Variants in SBF2 observed in about 807,000 individuals in gnomAD.
The protein encoded by SBF2 is SET binding factor 2.
In SBF2, 112 loss-of-function variants were observed where a neutral mutation model predicts 225.2. That is an observed-to-expected ratio of 0.50 (90% CI 0.43 to 0.58). The LOEUF is 0.58. Among genes scored for constraint, SBF2 ranks in the 20% least tolerant of loss-of-function variants. SBF2 has a pLI of 0.00. For missense variants in SBF2, 1,996 were observed against 2,206.2 expected (o/e 0.90, Z 1.91); for synonymous variants, 763 against 773.3 (o/e 0.99, Z 0.22).
chr11:9,805,796 G>A (rs1336004302), intron 32 of SBF2, among the ~76,000 whole-genome samples: 1 of 151,962 alleles, frequency 6.6e-6, no homozygotes, highest in Non-Finnish European at 1.5e-5. Flanking sequence ...CTGATTTTTT[G>A]TATTTTTAGT....
intron 22 of SBF2, among the ~76,000 whole-genome samples, chr11:9,849,432 G>C (rs1856771295): frequency 6.6e-6 from 1 of 152,182 alleles, no homozygotes; most frequent in Non-Finnish European, 1.5e-5. Flanking sequence ...AGATAATGTA[G>C]ATTACTTCTG....
chr11:9,888,875 T>A (rs1860562300), intron 17 of SBF2, among the ~76,000 whole-genome samples: 1 of 152,190 alleles, frequency 6.6e-6, no homozygotes, highest in Non-Finnish European at 1.5e-5. Flanking sequence ...TTCCTTCACC[T>A]TAAAATGGAA....
intron 2 of SBF2, among the ~76,000 whole-genome samples, chr11:10,181,996 C>G (rs1056824218): frequency 6.6e-6 from 1 of 152,232 alleles, no homozygotes; most frequent in Non-Finnish European, 1.5e-5. Flanking sequence ...CTAGAGGCCA[C>G]CAAATACTTC....
In SBF2 at chr11:9,850,142, T is replaced by C; in HGVS notation, c.2687A>G (p.Asp896Gly). 2 of 1,614,086 alleles carry C rather than the reference T, an allele frequency of 1.2e-6. No homozygotes were observed. Among genetic ancestry groups the C allele is most frequent in the Non-Finnish European group, 1.7e-6 (2 of 1,179,990 alleles). The change falls in exon 22 of 40, where the codon GAT becomes GGT. Residue 896 changes from aspartate to glycine, a missense_variant. By Grantham distance (94) the Asp-to-Gly change is moderately conservative. Coordinates refer to ENST00000256190, the MANE Select transcript of SBF2 (RefSeq NM_030962.4). ...ACCTCCAGTAGCTTCTTCTCTTCCA[T>C]CAGGATCCAGCAAGACTCGAAGACC... ...CEGLRVLLDP[D>G]GREEATGGLL... is the part of the protein sequence containing the mutation.
At chr11:10,075,071 TG>T (rs1206870028) in intron 2 of SBF2, among the ~76,000 whole-genome samples, 3 of 152,210 alleles carry the variant, frequency 2.0e-5, no homozygotes, top group Non-Finnish European at 4.4e-5. Flanking sequence ...AGAAGTTGGA[TG>T]GCAATTTATC....
intron 26 of SBF2, among the ~76,000 whole-genome samples, chr11:9,837,235 GA>G (rs1299500265): frequency 6.6e-6 from 1 of 152,138 alleles, no homozygotes; most frequent in Non-Finnish European, 1.5e-5. Flanking sequence ...TTTTAAGACA[GA>G]AGATTAAGGA....
intron 16 of SBF2, among the ~76,000 whole-genome samples, chr11:9,910,425 T>C (rs1042589567): frequency 1.3e-5 from 2 of 152,222 alleles, no homozygotes; most frequent in African/African-American, 4.8e-5. Context: ...ATGTATTTAC[T>C]ACACTATACT....
intron 1 of SBF2, among the ~76,000 whole-genome samples, chr11:10,211,306 T>C (rs934979840): frequency 6.6e-6 from 1 of 152,158 alleles, no homozygotes; most frequent in Non-Finnish European, 1.5e-5. Context: ...AATGGCAGTT[T>C]TTATAGATTG....
chr11:10,260,850 A>AG (rs1278362810), intron 1 of SBF2, among the ~76,000 whole-genome samples: 1 of 145,488 alleles, frequency 6.9e-6, no homozygotes, highest in African/African-American at 2.5e-5. Flanking sequence ...ACTGCACTCC[A>AG]GCTTAGGCAA....
chr11:10,278,725 G>A (rs1162581025), intron 1 of SBF2, among the ~76,000 whole-genome samples: 1 of 150,884 alleles, frequency 6.6e-6, no homozygotes, highest in Admixed American at 6.6e-5. Flanking sequence ...AGAGGTTGCA[G>A]TGAGCTGAGA....
Position 10,002,605 on chromosome 11 carries a change from C to T in SBF2, c.704G>A (p.Ser235Asn), listed in dbSNP as rs920661821. Residue 235 changes from serine (S) to asparagine (N), a missense_variant, in exon 7 of 40, where the codon AGT (serine) becomes AAT (asparagine). By Grantham distance (46) the Ser-to-Asn change is conservative. Transcript: ENST00000256190. The part of the protein sequence containing the change: ...LFHSASFQRL[S>N]DACRALESLM... ...AGATTCCAGGGCTCTACAAGCATCA[C>T]TAAGTCTCTGGAAACTTGCAGAATG... 1 of 1,612,862 alleles carries T rather than the reference C, an allele frequency of 6.2e-7. No individual in the cohort carries two copies. Among genetic ancestry groups the T allele is most frequent in the Non-Finnish European group, 8.5e-7 (1 of 1,179,034 alleles).
intron 13 of SBF2, among the ~76,000 whole-genome samples, chr11:9,979,102 T>G (rs1946831533): frequency 6.6e-6 from 1 of 152,200 alleles, no homozygotes; most frequent in Admixed American, 6.5e-5. Flanking sequence ...GCTTAGGAAA[T>G]GAATAGATGA....
chr11:10,194,376 G>T (rs1202069365), intron 1 of SBF2, among the ~76,000 whole-genome samples: 1 of 152,044 alleles, frequency 6.6e-6, no homozygotes, highest in Non-Finnish European at 1.5e-5. Flanking sequence ...ATATGCATAG[G>T]TTATATGCAA....
At chr11:10,285,138 C>T (rs1963664911) in intron 1 of SBF2, among the ~76,000 whole-genome samples, 1 of 151,944 alleles carries the variant, frequency 6.6e-6, no homozygotes, top group Admixed American at 6.6e-5. Context: ...GGTGAAACCC[C>T]ATCTCTACAA....
intron 16 of SBF2, among the ~76,000 whole-genome samples, chr11:9,945,711 T>C (rs551284209): frequency 5.0e-4 from 76 of 152,266 alleles, no homozygotes; most frequent in Non-Finnish European, 9.9e-4. Flanking sequence ...AGGTCTAATA[T>C]TGAGAATCTA....
Position 9,963,883 on chromosome 11 carries a change from C to T in SBF2, c.1601-1G>A. ...GTCGTCACCTTGTCCATTATCGAAA[C>T]TAGTAAAAGAATATAAAGAAAGCAC... On this transcript the variant is annotated splice_acceptor_variant, in intron 14 of 39. Coordinates refer to ENST00000256190, the MANE Select transcript of SBF2 (RefSeq NM_030962.4). LOFTEE classifies it high-confidence loss of function. The T allele has an allele frequency of 6.5e-7, 1 of 1,528,456 alleles. No homozygotes were observed. Among genetic ancestry groups the T allele is most frequent in the Admixed American group, 1.7e-5 (1 of 59,606 alleles). 94.7% of individuals were successfully genotyped at this position (1,528,456 alleles called of 1,614,324 possible).
intron 16 of SBF2, among the ~76,000 whole-genome samples, chr11:9,899,441 C>A (rs1861540592): frequency 6.7e-6 from 1 of 148,554 alleles, no homozygotes; most frequent in Non-Finnish European, 1.5e-5. Flanking sequence ...GAGTTTGAGG[C>A]TGCAGCAAAC....
At chr11:9,893,262 T>G (rs897053533) in intron 17 of SBF2, among the ~76,000 whole-genome samples, 2 of 152,194 alleles carry the variant, frequency 1.3e-5, no homozygotes, top group Admixed American at 1.3e-4. Flanking sequence ...TAATATGCAC[T>G]AGAAATAATT....
intron 12 of SBF2, among the ~76,000 whole-genome samples, chr11:9,992,098 C>T (rs886733446): frequency 5.3e-5 from 8 of 151,932 alleles, no homozygotes; most frequent in East Asian, 1.9e-4. Flanking sequence ...GAGTGGTTTT[C>T]GGTTACATGG....
Sources: gnomAD v4.1 joint callset for allele counts (sites outside exome capture counted in the v4.1 genomes callset) on GRCh38, gnomAD v4.1.1 for gene constraint, MANE v1.5 for transcripts, NCBI Gene and HGNC (gene_info 2026-07-23, HGNC 2026-07-21) for gene names.